XRCC6: variants seen among roughly 807,000 people sequenced by gnomAD.
XRCC6 encodes DNA repair protein Ku70.
Under a neutral mutation model 65.7 loss-of-function variants are expected in XRCC6, and 5 were observed. The ratio of observed to expected loss-of-function variants is 0.08; its 90% confidence interval spans 0.04 to 0.16. The LOEUF is 0.16. Among genes scored for constraint, XRCC6 ranks in the 10% least tolerant of loss-of-function variants. The pLI is 1.00. For missense variants in XRCC6, 447 were observed against 738.1 expected, an observed-to-expected ratio of 0.61 and a Z score of 4.57; for synonymous variants, 270 against 270.6, an observed-to-expected ratio of 1.00 and a Z score of 0.02.
intron 3 of XRCC6, among the ~76,000 whole-genome samples, chr22:41,628,989 A>AAAAAT (rs2067710487): frequency 6.7e-6 from 1 of 150,022 alleles, no homozygotes; most frequent in South Asian, 2.1e-4. Flanking sequence ...AAAAAAAAAA[A>AAAAAT]CAATTCTCCA....
chr22:41,622,989 A>T (rs1422437659), intron 2 of XRCC6, among the ~76,000 whole-genome samples: 1 of 152,022 alleles, frequency 6.6e-6, no homozygotes, highest in Admixed American at 6.6e-5. Context: ...AAAAAGAAAA[A>T]AATTTGCTAT....
At chr22:41,647,465 C>T (rs113729398) in intron 7 of XRCC6, among the ~76,000 whole-genome samples, 1 of 151,760 alleles carries the variant, frequency 6.6e-6, no homozygotes, top group African/African-American at 2.4e-5. Context: ...CCTGTAATCC[C>T]AGCTACTCAG....
At chr22:41,631,230 C>A (rs538104205) in intron 3 of XRCC6, among the ~76,000 whole-genome samples, 77 of 151,520 alleles carry the variant, frequency 5.1e-4, no homozygotes, top group African/African-American at 1.7e-3. Context: ...CAGAGGCGCC[C>A]CTCACCTCCC....
At chr22:41,662,090 G>A (rs2068104940) in intron 12 of XRCC6, among the ~76,000 whole-genome samples, 1 of 152,168 alleles carries the variant, frequency 6.6e-6, no homozygotes, top group African/African-American at 2.4e-5. Context: ...GTGAGGCATT[G>A]TGGGGTTGGT....
At chr22:41,663,500 G>C in intron 12 of XRCC6, 122 bp from the exon 13 acceptor site, 1 of 1,109,100 alleles carries the variant, frequency 9.0e-7, no homozygotes, top group Non-Finnish European at 1.3e-6. Flanking sequence ...GGTGTCCTAG[G>C]CTGGCATCAC....
intron 9 of XRCC6, among the ~76,000 whole-genome samples, chr22:41,654,691 AG>A (rs2068029228): frequency 6.6e-6 from 1 of 152,188 alleles, no homozygotes; most frequent in Non-Finnish European, 1.5e-5. Flanking sequence ...GTAGAGGGTA[AG>A]GAAAAAAGGG....
At chr22:41,657,968 C>A (rs568433771) in intron 10 of XRCC6, among the ~76,000 whole-genome samples, 1 of 152,106 alleles carries the variant, frequency 6.6e-6, no homozygotes, top group Admixed American at 6.6e-5. Flanking sequence ...GGACCACAGG[C>A]GTGCACCAAC....
At position 41,646,986 on chromosome 22, in the gene XRCC6, C is replaced by G. The variant is rs1263826667; in HGVS notation, c.864C>G (p.Leu288=). The part of the protein sequence containing the change: ...QKALKPPPIK[L]YRETNEPVKT... ...CTCTCAAGCCTCCTCCAATAAAGCT[C>G]TATCGGGAAACAAATGAACCAGTGA... The change falls in exon 7 of 13, where the codon CTC becomes CTG. Residue 288 remains leucine, a synonymous_variant. Coordinates refer to ENST00000360079, the MANE Select transcript of XRCC6 (RefSeq NM_001469.5). 5 of 1,614,064 alleles carry G rather than the reference C, an allele frequency of 3.1e-6. No homozygotes were observed. The highest frequency in any genetic ancestry group is 1.7e-5 in the Admixed American group (1 of 59,992).
At chr22:41,658,374 G>A in intron 11 of XRCC6, 22 bp downstream of exon 11, 1 of 1,606,906 alleles carries the variant, frequency 6.2e-7, no homozygotes, top group Non-Finnish European at 8.5e-7. Context: ...GAATAGAGTA[G>A]TTCTTTTCAT....
intron 6 of XRCC6, among the ~76,000 whole-genome samples, chr22:41,640,428 C>T (rs28384739): frequency 2.0e-5 from 3 of 152,150 alleles, no homozygotes; most frequent in African/African-American, 7.2e-5. Context: ...GGATTAAGGG[C>T]GTGAGCCACC....
chr22:41,622,552 A>G (rs2067620908), intron 2 of XRCC6, among the ~76,000 whole-genome samples: 1 of 152,196 alleles, frequency 6.6e-6, no homozygotes, highest in Admixed American at 6.5e-5. Context: ...GCAACACAGT[A>G]ACACATAAAA....
At chr22:41,628,536 A>G (rs921818347) in intron 3 of XRCC6, among the ~76,000 whole-genome samples, 1 of 152,200 alleles carries the variant, frequency 6.6e-6, no homozygotes, top group Non-Finnish European at 1.5e-5. Context: ...AGATGGAAGT[A>G]TAAAGGAAGA....
chr22:41,656,850 A>G (rs2068049532), intron 9 of XRCC6, 53 bp from the exon 10 acceptor site: 3 of 1,609,114 alleles, frequency 1.9e-6, no homozygotes, highest in Middle Eastern at 4.5e-4. Context: ...CTGAGAAACA[A>G]GTGACTGCAA....
At chr22:41,622,946 A>G (rs898804106) in intron 2 of XRCC6, among the ~76,000 whole-genome samples, 3 of 142,204 alleles carry the variant, frequency 2.1e-5, no homozygotes, top group Admixed American at 7.7e-5. Context: ...CTCTCTCAGG[A>G]AAAAAAAAAA....
At chr22:41,649,152 ATATATATATATG>A (rs1326507329) in intron 7 of XRCC6, among the ~76,000 whole-genome samples, 1 of 135,088 alleles carries the variant, frequency 7.4e-6, no homozygotes, top group Non-Finnish European at 1.5e-5. Context: ...ATATATATAT[ATATATATATATG>A]TATGTATGTG....
chr22:41,634,346 A>G (rs1465222484), intron 3 of XRCC6, among the ~76,000 whole-genome samples: 3 of 151,858 alleles, frequency 2.0e-5, no homozygotes, highest in African/African-American at 7.3e-5. Flanking sequence ...AAGCATGTGC[A>G]TGCCCAGCTA....
At chr22:41,627,476 T>C (rs954634342) in intron 2 of XRCC6, among the ~76,000 whole-genome samples, 10 of 151,904 alleles carry the variant, frequency 6.6e-5, no homozygotes, top group South Asian at 2.1e-4. Flanking sequence ...CTGGGAGTGG[T>C]GGCGGGCGTC....
At chr22:41,653,058 C>T (rs755496187) in intron 8 of XRCC6, among the ~76,000 whole-genome samples, 2 of 152,032 alleles carry the variant, frequency 1.3e-5, no homozygotes, top group Non-Finnish European at 2.9e-5. Flanking sequence ...CTGCTGTCCC[C>T]ATTTTCCCCT....
chr22:41,657,496 ATT>A (rs1254800673), intron 10 of XRCC6, among the ~76,000 whole-genome samples: 2 of 14,116 alleles, frequency 1.4e-4, no homozygotes, highest in African/African-American at 3.0e-4. Context: ...AAAATTTATT[ATT>A]ATTATTATTA....
Sources: allele counts gnomAD v4.1 joint callset (sites outside exome capture counted in the v4.1 genomes callset), GRCh38; gene constraint gnomAD v4.1.1; transcripts MANE v1.5; gene names NCBI Gene and HGNC (gene_info 2026-07-23, HGNC 2026-07-21).